ZSWIM6: variants seen among roughly 807,000 people sequenced by gnomAD.
ZSWIM6 encodes zinc finger SWIM domain-containing protein 6.
In ZSWIM6, 9 loss-of-function variants were observed where a neutral mutation model predicts 113.2. The observed-to-expected ratio is 0.08, with a 90% CI of 0.05 to 0.14. The LOEUF is 0.14. ZSWIM6 is among the 10% of genes least tolerant of loss of function. The pLI, the probability that ZSWIM6 is intolerant of heterozygous loss-of-function variation, is 1.00. For missense variants in ZSWIM6, 1,162 were observed against 1,552.2 expected (o/e 0.75, Z 4.22); for synonymous variants, 611 against 606.5 (o/e 1.01, Z -0.11).
At chr5:61,468,384 T>G (rs374544986) in intron 1 of ZSWIM6, among the ~76,000 whole-genome samples, 3 of 152,348 alleles carry the variant, frequency 2.0e-5, no homozygotes, top group African/African-American at 7.2e-5. Context: ...TTAACTGTCT[T>G]TCACAGATTA....
intron 1 of ZSWIM6, among the ~76,000 whole-genome samples, chr5:61,400,602 A>T (rs145059314): frequency 1.0e-3 from 157 of 152,342 alleles, no homozygotes; most frequent in African/African-American, 3.6e-3. Context: ...GCCTCACGTT[A>T]TAGATGGGCA....
chr5:61,499,334 C>T (rs1353046998), intron 4 of ZSWIM6, among the ~76,000 whole-genome samples: 1 of 151,736 alleles, frequency 6.6e-6, no homozygotes, highest in Non-Finnish European at 1.5e-5. Context: ...GTGTTGTTAA[C>T]CTTCTTTCCA....
At chr5:61,343,049 CA>C (rs1744581939) in intron 1 of ZSWIM6, among the ~76,000 whole-genome samples, 1 of 152,110 alleles carries the variant, frequency 6.6e-6, no homozygotes, top group Admixed American at 6.5e-5. Flanking sequence ...GTTAGGTTTT[CA>C]AAATATATTT....
chr5:61,446,740 T>C (rs1405298396), intron 1 of ZSWIM6, among the ~76,000 whole-genome samples: 4 of 152,236 alleles, frequency 2.6e-5, no homozygotes, highest in African/African-American at 9.6e-5. Flanking sequence ...TGCTTGGATG[T>C]ATTTACTTAA....
intron 1 of ZSWIM6, among the ~76,000 whole-genome samples, chr5:61,373,486 C>A (rs180716786): frequency 7.0e-6 from 1 of 143,858 alleles, no homozygotes; most frequent in East Asian, 2.1e-4. Flanking sequence ...CTCAGTATTT[C>A]TTAAATGAAT....
chr5:61,502,600 C>T (rs570080531), intron 4 of ZSWIM6, among the ~76,000 whole-genome samples: 15 of 152,304 alleles, frequency 9.8e-5, no homozygotes, highest in Middle Eastern at 3.4e-3. Context: ...TTAATAGGTA[C>T]TCTTGTTAGA....
intron 1 of ZSWIM6, among the ~76,000 whole-genome samples, chr5:61,408,655 A>G (rs774225852): frequency 6.6e-6 from 1 of 152,208 alleles, no homozygotes; most frequent in Non-Finnish European, 1.5e-5. Flanking sequence ...GGTGTGATGC[A>G]GGTAAAGGAA....
At position 61,490,039 on chromosome 5, in the gene ZSWIM6, T is replaced by C. The variant is rs78806819; in HGVS notation, c.1034-747T>C. ...ATCTAATTTTTTTTTGTATTACTTA[T>C]GAATCTTAGACCTTAAAATACCATT... On this transcript the variant is annotated intron_variant, in intron 2 of 13. Coordinates refer to ENST00000252744, the MANE Select transcript of ZSWIM6 (RefSeq NM_020928.2). Among the ~76,000 whole-genome samples the C allele has an allele frequency of 8.1e-4, 123 of 152,210 alleles. 2 individuals are homozygous for C. The East Asian group carries it at 0.023, about 28-fold the overall frequency.
At chr5:61,452,996 CTG>C (rs1403370283) in intron 1 of ZSWIM6, among the ~76,000 whole-genome samples, 3 of 152,252 alleles carry the variant, frequency 2.0e-5, no homozygotes, top group African/African-American at 4.8e-5. Context: ...TAGATTGAGA[CTG>C]TGTGATTTTT....
intron 2 of ZSWIM6, among the ~76,000 whole-genome samples, chr5:61,489,798 C>T (rs1748130909): frequency 6.6e-6 from 1 of 151,972 alleles, no homozygotes; most frequent in African/African-American, 2.4e-5. Context: ...AATGAATGAA[C>T]ATACACTTTT....
At chr5:61,474,688 C>G (rs1170274310) in intron 2 of ZSWIM6, among the ~76,000 whole-genome samples, 1 of 152,158 alleles carries the variant, frequency 6.6e-6, no homozygotes, top group Non-Finnish European at 1.5e-5. Context: ...TTGGACAGCA[C>G]AGCTCTAGAG....
In ZSWIM6 at chr5:61,332,693, A is replaced by AGCGGTG. The variant is rs1744280445; in HGVS notation, c.426_431dup (p.Gly145_Gly146dup). On this transcript the variant is annotated inframe_insertion, in exon 1 of 14. Coordinates refer to ENST00000252744, the MANE Select transcript of ZSWIM6 (RefSeq NM_020928.2). The stretch of plus-strand genomic sequence containing the variant: ...CGCCGCGGGCGGCCCCGGCGACGAC[A>AGCGGTG]GCGGTGGCGGCGGCGGCGCGGGCGG... The AGCGGTG allele has an allele frequency of 2.0e-6, 2 of 999,472 alleles. No homozygotes were observed. Among genetic ancestry groups the AGCGGTG allele is most frequent in the Non-Finnish European group, 2.4e-6 (2 of 837,234 alleles). The allele number at this position is 999,472 out of a possible 1,614,324, so 61.9% of individuals were successfully genotyped here.
intron 3 of ZSWIM6, among the ~76,000 whole-genome samples, chr5:61,492,418 A>C (rs756459942): frequency 4.6e-5 from 7 of 152,080 alleles, no homozygotes; most frequent in Non-Finnish European, 8.8e-5. Flanking sequence ...GCTTAACTTG[A>C]AGTTAAGACA....
chr5:61,366,910 A>C (rs985317009), intron 1 of ZSWIM6, among the ~76,000 whole-genome samples: 13 of 150,288 alleles, frequency 8.7e-5, no homozygotes, highest in African/African-American at 3.2e-4. Context: ...CTTGGGTGAC[A>C]GAGCGATCTG....
At chr5:61,489,129 G>A (rs2112211671) in intron 2 of ZSWIM6, among the ~76,000 whole-genome samples, 1 of 152,054 alleles carries the variant, frequency 6.6e-6, no homozygotes, top group East Asian at 1.9e-4. Flanking sequence ...CATGCACCAT[G>A]TTTTTTCCTG....
intron 1 of ZSWIM6, among the ~76,000 whole-genome samples, chr5:61,459,283 A>AT (rs1262627243): frequency 1.3e-5 from 2 of 152,080 alleles, no homozygotes; most frequent in Admixed American, 6.5e-5. Flanking sequence ...CCAGTAGCTG[A>AT]TTTTTTTTCT....
At chr5:61,514,943 A>C (rs1376911288) in intron 4 of ZSWIM6, among the ~76,000 whole-genome samples, 1 of 152,120 alleles carries the variant, frequency 6.6e-6, no homozygotes, top group Non-Finnish European at 1.5e-5. Flanking sequence ...TGTAGAATTG[A>C]TACTATTTCT....
chr5:61,353,013 T>G (rs975296505), intron 1 of ZSWIM6, among the ~76,000 whole-genome samples: 1 of 152,032 alleles, frequency 6.6e-6, no homozygotes, highest in South Asian at 2.1e-4. Context: ...CTGCCTGAAC[T>G]TTTTTTTCCC....
At chr5:61,502,603 T>C (rs1748502915) in intron 4 of ZSWIM6, among the ~76,000 whole-genome samples, 1 of 152,230 alleles carries the variant, frequency 6.6e-6, no homozygotes, top group Non-Finnish European at 1.5e-5. Context: ...ATAGGTACTC[T>C]TGTTAGACAT....
Sources: allele counts gnomAD v4.1 joint callset (sites outside exome capture counted in the v4.1 genomes callset), GRCh38; gene constraint gnomAD v4.1.1; transcripts MANE v1.5; gene names NCBI Gene and HGNC (gene_info 2026-07-23, HGNC 2026-07-21).